The following CSMD1 variants were observed in gnomAD, a reference collection of about 807,000 sequenced individuals.
CSMD1 encodes the protein CUB and sushi domain-containing protein 1.
CSMD1 carries 213 observed loss-of-function variants against 417.5 expected under a neutral mutation model. The observed-to-expected ratio is 0.51, with a 90% confidence interval of 0.46 to 0.57. The LOEUF (loss-of-function observed/expected upper bound fraction) is 0.57, where lower values mean the gene tolerates loss of function less well. Among genes scored for constraint, CSMD1 ranks in the 20% least tolerant of loss-of-function variants. The pLI is 0.00. For missense variants in CSMD1, 6,923 were observed against 4,529.7 expected, an observed-to-expected ratio of 1.53 and a Z score of -15.17; for synonymous variants, 2,862 against 1,736.8, an observed-to-expected ratio of 1.65 and a Z score of -16.11.
chr8:4,426,758 A>G (rs1451867684), intron 2 of CSMD1, among the ~76,000 whole-genome samples: 1 of 147,944 alleles, frequency 6.8e-6, no homozygotes, highest in Non-Finnish European at 1.5e-5. Flanking sequence ...TAATATAGTA[A>G]TATTTTATAT....
chr8:4,360,473 TC>T (rs1226769422), intron 3 of CSMD1, among the ~76,000 whole-genome samples: 1 of 152,164 alleles, frequency 6.6e-6, no homozygotes, highest in Non-Finnish European at 1.5e-5. Context: ...ACCTCTTTTT[TC>T]TTGCACATAC....
In CSMD1 at chr8:3,232,502, G is replaced by C. The variant is rs117759975; in HGVS notation, c.4154-2271C>G. Among the ~76,000 whole-genome samples the C allele has an allele frequency of 3.2e-4, 49 of 152,084 alleles. No individual in the cohort carries two copies. In the East Asian group the frequency reaches 6.8e-3, roughly 21 times the overall value. ...TCCATCCTCTTCTTGATGGATCTTT[G>C]GGTCATTTTTCTTTTTACCCTTATA... On this transcript the variant is annotated intron_variant, in intron 26 of 69. Coordinates refer to ENST00000635120, the MANE Select transcript of CSMD1 (RefSeq NM_033225.6).
At chr8:3,360,726 T>G (rs1161272682) in intron 20 of CSMD1, among the ~76,000 whole-genome samples, 3 of 152,166 alleles carry the variant, frequency 2.0e-5, no homozygotes, top group Non-Finnish European at 4.4e-5. Context: ...TAAAAAAAAT[T>G]ACTTCTACTT....
chr8:4,846,430 T>G (rs1322318982), intron 1 of CSMD1, among the ~76,000 whole-genome samples: 1 of 152,232 alleles, frequency 6.6e-6, no homozygotes, highest in East Asian at 1.9e-4. Context: ...CAGCCAGGCT[T>G]GTCCTTGAGG....
intron 3 of CSMD1, among the ~76,000 whole-genome samples, chr8:4,200,431 C>T (rs896118069): frequency 6.6e-6 from 1 of 152,194 alleles, no homozygotes. Flanking sequence ...AGAATAACCC[C>T]ACAGCCGTCT....
intron 7 of CSMD1, among the ~76,000 whole-genome samples, chr8:3,670,562 C>T (rs1005314651): frequency 2.7e-4 from 29 of 108,216 alleles, no homozygotes; most frequent in Admixed American, 1.0e-3. Flanking sequence ...TATATATATG[C>T]GATATATATA....
chr8:4,349,975 G>C (rs1360134764), intron 3 of CSMD1, among the ~76,000 whole-genome samples: 2 of 151,972 alleles, frequency 1.3e-5, no homozygotes, highest in Non-Finnish European at 2.9e-5. Flanking sequence ...AGACTTAAGG[G>C]ATCCAAAGTA....
chr8:3,742,641 C>T (rs1349688528), intron 6 of CSMD1, among the ~76,000 whole-genome samples: 2 of 152,056 alleles, frequency 1.3e-5, no homozygotes, highest in South Asian at 2.1e-4. Flanking sequence ...TCTGCTCGTC[C>T]TGAAGGACGT....
At chr8:4,790,371 G>C (rs1027215641) in intron 1 of CSMD1, among the ~76,000 whole-genome samples, 1 of 152,086 alleles carries the variant, frequency 6.6e-6, no homozygotes, top group Non-Finnish European at 1.5e-5. Flanking sequence ...TGGACAGGAA[G>C]AATCAATATT....
intron 1 of CSMD1, among the ~76,000 whole-genome samples, chr8:4,774,063 G>A (rs547083900): frequency 3.8e-4 from 58 of 152,228 alleles, no homozygotes; most frequent in African/African-American, 1.0e-3. Flanking sequence ...TGGGCATGGC[G>A]ATAGATGCCT....
chr8:4,062,761 T>C (rs532592271), intron 3 of CSMD1, among the ~76,000 whole-genome samples: 7 of 151,876 alleles, frequency 4.6e-5, no homozygotes, highest in Admixed American at 3.3e-4. Context: ...AGGTTCTGCA[T>C]GCTCAGTAAA....
Position 4,589,668 on chromosome 8 carries a change from G to C in CSMD1, c.302+47674C>G, listed in dbSNP as rs561813181. ...AGTGTGTTTGCACTGTGAAGACCAA[G>C]CAAAAATAACCTCCGCAATTGTTGA... On this transcript the variant is annotated intron_variant, in intron 2 of 69. Transcript: ENST00000635120. Among the ~76,000 whole-genome samples the C allele has an allele frequency of 3.3e-5, 5 of 152,180 alleles. No homozygotes were observed. The East Asian group carries it at 9.7e-4, about 29-fold the overall frequency.
intron 25 of CSMD1, among the ~76,000 whole-genome samples, chr8:3,286,848 T>A (rs369822678): frequency 6.6e-6 from 1 of 152,198 alleles, no homozygotes; most frequent in East Asian, 1.9e-4. Flanking sequence ...TTTGTCAATT[T>A]TGGCTTTTGT....
At chr8:3,013,219 C>A (rs1808540607) in intron 52 of CSMD1, among the ~76,000 whole-genome samples, 1 of 152,276 alleles carries the variant, frequency 6.6e-6, no homozygotes, top group African/African-American at 2.4e-5. Flanking sequence ...TGGGCCTTGT[C>A]TTGGCAGATA....
chr8:4,694,679 T>C (rs564223571), intron 1 of CSMD1, among the ~76,000 whole-genome samples: 1 of 152,254 alleles, frequency 6.6e-6, no homozygotes, highest in East Asian at 1.9e-4. Context: ...ACTTCCTAGA[T>C]ACATTGATTG....
intron 26 of CSMD1, among the ~76,000 whole-genome samples, chr8:3,241,110 A>G (rs1365286136): frequency 2.0e-5 from 3 of 151,146 alleles, no homozygotes; most frequent in African/African-American, 7.3e-5. Context: ...TTGGATTGGG[A>G]AGAAGGGCGG....
chr8:4,229,792 C>G (rs892470788), intron 3 of CSMD1, among the ~76,000 whole-genome samples: 1 of 152,164 alleles, frequency 6.6e-6, no homozygotes, highest in South Asian at 2.1e-4. Flanking sequence ...TCATCACTCA[C>G]TCCTTCCTTT....
At chr8:3,393,651 A>T (rs1811482459) in intron 17 of CSMD1, among the ~76,000 whole-genome samples, 1 of 152,148 alleles carries the variant, frequency 6.6e-6, no homozygotes, top group Admixed American at 6.5e-5. Flanking sequence ...ATGGAATAGT[A>T]TGCAACCATA....
At chr8:4,544,124 A>G (rs550018326) in intron 2 of CSMD1, among the ~76,000 whole-genome samples, 2 of 152,260 alleles carry the variant, frequency 1.3e-5, no homozygotes, top group African/African-American at 4.8e-5. Context: ...TAATTTGCAT[A>G]AAGTCCAACT....
Sources: allele counts gnomAD v4.1 joint callset (sites outside exome capture counted in the v4.1 genomes callset), GRCh38; gene constraint gnomAD v4.1.1; transcripts MANE v1.5; gene names NCBI Gene and HGNC (gene_info 2026-07-23, HGNC 2026-07-21).